PRH1: variants seen among roughly 807,000 people sequenced by gnomAD.
PRH1 encodes proline rich protein HaeIII subfamily 1.
A neutral mutation model predicts 7.9 loss-of-function variants in PRH1; 7 were observed. The observed-to-expected ratio is 0.89, with a 90% CI of 0.50 to 1.67. The LOEUF (loss-of-function observed/expected upper bound fraction) is 1.67. Ranked by LOEUF, PRH1 falls within the 40% of genes most tolerant of loss-of-function variation. The pLI, the probability that PRH1 is intolerant of heterozygous loss-of-function variation, is 0.00. For synonymous variants in PRH1, 45 were observed against 80.8 expected (o/e 0.56, Z 2.38); for missense variants, 109 against 223.6 (o/e 0.49, Z 3.27).
intron 1 of PRH1, among the ~76,000 whole-genome samples, chr12:11,031,591 T>G (rs1942221804): frequency 6.6e-6 from 1 of 151,856 alleles, no homozygotes; most frequent in South Asian, 2.1e-4. Context: ...GCCATGAGCT[T>G]TTATTCCCTT....
intron 1 of PRH1, among the ~76,000 whole-genome samples, chr12:11,016,509 T>A (rs1941302896): frequency 6.6e-6 from 1 of 151,604 alleles, no homozygotes. Context: ...GTTTTTTCTG[T>A]TTTTTAGTTT....
intron 2 of PRH1, among the ~76,000 whole-genome samples, chr12:10,918,445 T>G (rs141313338): frequency 2.6e-5 from 4 of 152,288 alleles, no homozygotes; most frequent in Admixed American, 1.3e-4. Context: ...ATTATCCAAC[T>G]TCAGGTATTC....
chr12:10,986,300 G>C, intron 1 of PRH1: 1 of 1,614,040 alleles, frequency 6.2e-7, no homozygotes, highest in Non-Finnish European at 8.5e-7. Context: ...ACAGAGTAAA[G>C]GGTATGAAGC....
intron 1 of PRH1, among the ~76,000 whole-genome samples, chr12:11,058,538 A>C (rs1056930111): frequency 3.3e-5 from 5 of 152,298 alleles, no homozygotes; most frequent in African/African-American, 1.2e-4. Flanking sequence ...ACATTTGAGA[A>C]TATTGCTCTG....
At chr12:10,941,492 T>C (rs1318755907) in intron 2 of PRH1, among the ~76,000 whole-genome samples, 1 of 152,032 alleles carries the variant, frequency 6.6e-6, no homozygotes, top group Admixed American at 6.6e-5. Flanking sequence ...TTTAACTTTT[T>C]TATGCATCAA....
At chr12:10,889,152 A>T (rs1949535794), upstream of PRH1, among the ~76,000 whole-genome samples, 1 of 152,014 alleles carries the variant, frequency 6.6e-6, no homozygotes, top group African/African-American at 2.4e-5. Context: ...TCTTTCCTTT[A>T]TGTTTAGAGA....
At chr12:10,934,732 A>C (rs1338496863) in intron 2 of PRH1, among the ~76,000 whole-genome samples, 1 of 152,166 alleles carries the variant, frequency 6.6e-6, no homozygotes, top group African/African-American at 2.4e-5. Flanking sequence ...AGCTATCTGC[A>C]TTCTGATCCA....
intron 2 of PRH1, among the ~76,000 whole-genome samples, chr12:10,891,221 T>G (rs1176768417): frequency 6.6e-6 from 1 of 152,194 alleles, no homozygotes; most frequent in Non-Finnish European, 1.5e-5. Context: ...ATAAGCATTA[T>G]TGCCACTACT....
intron 1 of PRH1, among the ~76,000 whole-genome samples, chr12:11,131,991 G>A (rs35267335): frequency 0.24 from 33,957 of 143,540 alleles, 3,835 homozygotes; most frequent in Non-Finnish European, 0.25. Context: ...CTTCTTTTAT[G>A]GTTCTTACAT....
At chr12:10,965,695 GT>G (rs1459490139) in intron 2 of PRH1, among the ~76,000 whole-genome samples, 1 of 152,148 alleles carries the variant, frequency 6.6e-6, no homozygotes, top group Admixed American at 6.5e-5. Context: ...CTCTTTCAGT[GT>G]TTTGCAATGT....
At chr12:10,939,333 T>A (rs1430065754) in intron 2 of PRH1, 4 of 598,688 alleles carry the variant, frequency 6.7e-6, no homozygotes, top group Admixed American at 7.3e-5. Flanking sequence ...AAAGGGAATG[T>A]TAAACCAGCA....
chr12:11,106,301 C>T (rs776427143), intron 1 of PRH1, among the ~76,000 whole-genome samples: 18 of 152,106 alleles, frequency 1.2e-4, no homozygotes, highest in Non-Finnish European at 2.5e-4. Flanking sequence ...CACATACTCA[C>T]TCACTCATGG....
intron 1 of PRH1, among the ~76,000 whole-genome samples, chr12:11,171,030 C>A (rs1009964221): frequency 6.6e-6 from 1 of 152,250 alleles, no homozygotes; most frequent in African/African-American, 2.4e-5. Context: ...CAAGTTACAT[C>A]TCGCTTAGAT....
chr12:11,037,137 AT>A (rs569175995), intron 1 of PRH1, among the ~76,000 whole-genome samples: 1 of 151,960 alleles, frequency 6.6e-6, no homozygotes, highest in Non-Finnish European at 1.5e-5. Flanking sequence ...CTATTTTGGG[AT>A]TTTTTTTGGC....
chr12:10,939,450 C>T (rs760226305), intron 2 of PRH1, among the ~76,000 whole-genome samples: 1 of 152,006 alleles, frequency 6.6e-6, no homozygotes. Flanking sequence ...GTGCCTTATA[C>T]ACAGTAGGCT....
intron 1 of PRH1, among the ~76,000 whole-genome samples, chr12:11,070,797 G>A (rs1165735673): frequency 2.6e-5 from 4 of 151,222 alleles, no homozygotes; most frequent in Admixed American, 6.6e-5. Context: ...TGGAGTAGGA[G>A]ATTTTCTTTT....
chr12:11,044,999 T>C (rs1333108424), intron 1 of PRH1, among the ~76,000 whole-genome samples: 2 of 152,166 alleles, frequency 1.3e-5, no homozygotes, highest in African/African-American at 4.8e-5. Flanking sequence ...AACAGGTATC[T>C]ACACTCCCAT....
At chr12:10,952,533 G>A (rs1442813342) in intron 2 of PRH1, among the ~76,000 whole-genome samples, 1 of 152,088 alleles carries the variant, frequency 6.6e-6, no homozygotes, top group African/African-American at 2.4e-5. Context: ...TTTACTGCAA[G>A]TTTACTGGAC....
chr12:11,061,191 C>CAT lies in PRH1; in HGVS notation n.124-14005_124-14004dup, dbSNP rs1215530332. 7.4e-5 allele frequency among the ~76,000 whole-genome samples: 9 copies of CAT among 121,152 alleles called. No individual in the cohort carries two copies. The East Asian group carries it at 2.1e-3, about 29-fold the overall frequency. The allele number at this position is 121,152 out of a possible 152,430, so 79.5% of individuals were successfully genotyped here. A position where few individuals can be genotyped will look rare whatever the true frequency, so the allele number is the denominator to read the frequency against. On this transcript the variant is annotated intron_variant and non_coding_transcript_variant, in intron 1 of 4. Coordinates refer to the PRH1 transcript ENST00000541977. ...TCATACAAACATACACACAAAAATA[C>CAT]ATATATATACATACGCACTTTTTTA... is the stretch of plus-strand genomic sequence containing the variant.
Sources: allele counts gnomAD v4.1 joint callset (sites outside exome capture counted in the v4.1 genomes callset), GRCh38; gene constraint gnomAD v4.1.1; transcripts MANE v1.5; gene names NCBI Gene and HGNC (gene_info 2026-07-23, HGNC 2026-07-21).